Variants in TAB2 observed in about 807,000 individuals in gnomAD.
TAB2 encodes TGF-beta activated kinase 1 (MAP3K7) binding protein 2.
TAB2 carries 3 observed loss-of-function variants against 65.0 expected under a neutral mutation model. The observed-to-expected ratio is 0.05, with a 90% CI of 0.02 to 0.12. The LOEUF (loss-of-function observed/expected upper bound fraction) is 0.12. TAB2 is among the 10% of genes least tolerant of loss of function. The pLI is 1.00. For missense variants in TAB2, 623 were observed against 840.3 expected (o/e 0.74, Z 3.20); for synonymous variants, 298 against 285.1 (o/e 1.05, Z -0.46).
intron 1 of TAB2, among the ~76,000 whole-genome samples, chr6:149,289,007 GCTACCA>G (rs1301102879): frequency 6.6e-6 from 1 of 151,604 alleles, no homozygotes; most frequent in Non-Finnish European, 1.5e-5. Context: ...ACAGGTATAC[GCTACCA>G]TGCCCAGCTA....
chr6:149,273,505 G>T (rs1356001049), intron 1 of TAB2, among the ~76,000 whole-genome samples: 1 of 152,212 alleles, frequency 6.6e-6, no homozygotes, highest in African/African-American at 2.4e-5. Context: ...AGGGCAAACT[G>T]CCAGGGCCAG....
At chr6:149,386,090 T>G (rs1043287428) in intron 3 of TAB2, among the ~76,000 whole-genome samples, 22 of 152,214 alleles carry the variant, frequency 1.4e-4, no homozygotes, top group Admixed American at 1.4e-3. Context: ...TGTGTGTATA[T>G]ATGTGTATAC....
At chr6:149,361,094 A>G (rs1370118061) in intron 1 of TAB2, among the ~76,000 whole-genome samples, 1 of 152,164 alleles carries the variant, frequency 6.6e-6, no homozygotes, top group Admixed American at 6.5e-5. Flanking sequence ...TGGACCTAAC[A>G]TTCTAGGGTC....
At chr6:149,350,378 T>C (rs1408226780) in intron 1 of TAB2, among the ~76,000 whole-genome samples, 1 of 152,194 alleles carries the variant, frequency 6.6e-6, no homozygotes, top group Non-Finnish European at 1.5e-5. Flanking sequence ...ATTATACTTT[T>C]ATGAGATAAC....
chr6:149,243,125 T>C (rs1286131885), intron 1 of TAB2, among the ~76,000 whole-genome samples: 1 of 152,220 alleles, frequency 6.6e-6, no homozygotes, highest in Non-Finnish European at 1.5e-5. Flanking sequence ...GTTCATTCCC[T>C]TCTCTCCGAA....
At chr6:149,251,179 A>G (rs1420707602) in intron 1 of TAB2, among the ~76,000 whole-genome samples, 2 of 152,174 alleles carry the variant, frequency 1.3e-5, no homozygotes. Context: ...ATGACTGTAA[A>G]CGTGGACACC....
chr6:149,324,792 G>T (rs905241930), intron 1 of TAB2, among the ~76,000 whole-genome samples: 1 of 151,252 alleles, frequency 6.6e-6, no homozygotes, highest in African/African-American at 2.4e-5. Context: ...GGGTAGAAGA[G>T]ACTTTACCTG....
At chr6:149,270,934 T>C (rs974990372) in intron 1 of TAB2, among the ~76,000 whole-genome samples, 3 of 152,168 alleles carry the variant, frequency 2.0e-5, no homozygotes, top group Non-Finnish European at 4.4e-5. Flanking sequence ...TCCACTGCTG[T>C]TGCAAAAAAC....
At chr6:149,293,009 G>T (rs1778804607) in intron 1 of TAB2, among the ~76,000 whole-genome samples, 1 of 152,170 alleles carries the variant, frequency 6.6e-6, no homozygotes, top group African/African-American at 2.4e-5. Context: ...TGATTGAAAT[G>T]TTGGCAAGTT....
At chr6:149,369,847 A>G in intron 1 of TAB2, 62 bp from the exon 2 acceptor site, 1 of 666,738 alleles carries the variant, frequency 1.5e-6, no homozygotes, top group Non-Finnish European at 2.6e-6. Context: ...GAAATTTTAA[A>G]TCCACAACAA....
intron 3 of TAB2, among the ~76,000 whole-genome samples, chr6:149,383,707 C>T (rs1055362570): frequency 7.2e-5 from 11 of 152,166 alleles, no homozygotes; most frequent in South Asian, 2.1e-4. Context: ...CTCAGCCTCC[C>T]GGGTAGCTGT....
intron 1 of TAB2, among the ~76,000 whole-genome samples, chr6:149,348,081 A>C (rs980688125): frequency 6.6e-6 from 1 of 152,176 alleles, no homozygotes; most frequent in Non-Finnish European, 1.5e-5. Flanking sequence ...TTCACAGAAG[A>C]GAGAAATTGT....
At position 149,334,274 on chromosome 6, in the gene TAB2, G is replaced by A. The variant is rs1388816136; in HGVS notation, c.-90+16259G>A. On this transcript the variant is annotated intron_variant, in intron 1 of 6. Coordinates refer to ENST00000637181, the MANE Select transcript of TAB2 (RefSeq NM_001292034.3). ...CCCTGTGTCAGTGTCAGCACCTTCT[G>A]CTGAAACTCACTACAGCGTATCTCT... Among the ~76,000 whole-genome samples, 4 of 151,890 alleles carry A rather than the reference G, an allele frequency of 2.6e-5. No individual in the cohort carries two copies. In the East Asian group the frequency reaches 5.8e-4, roughly 22 times the overall value.
At chr6:149,407,868 C>A (rs1782720465) in intron 6 of TAB2, among the ~76,000 whole-genome samples, 1 of 151,498 alleles carries the variant, frequency 6.6e-6, no homozygotes, top group Non-Finnish European at 1.5e-5. Context: ...TTTATAGATC[C>A]CTTATTGATT....
intron 1 of TAB2, among the ~76,000 whole-genome samples, chr6:149,262,899 G>A (rs1165950940): frequency 6.6e-6 from 1 of 152,004 alleles, no homozygotes; most frequent in Non-Finnish European, 1.5e-5. Context: ...AAACTCCTGG[G>A]TTCAAGCAAT....
At chr6:149,287,646 AGTTT>A (rs1251431325) in intron 1 of TAB2, among the ~76,000 whole-genome samples, 5 of 152,214 alleles carry the variant, frequency 3.3e-5, no homozygotes, top group African/African-American at 1.2e-4. Context: ...GCTCTCAGTC[AGTTT>A]GTTACTGAAC....
intron 6 of TAB2, chr6:149,400,188 G>A: frequency 1.7e-6 from 1 of 586,718 alleles, no homozygotes; most frequent in East Asian, 2.8e-5. Context: ...TTAAAAACAG[G>A]ATCTGGCAGC....
chr6:149,341,183 CATGTCT>C (rs908881171), intron 1 of TAB2, among the ~76,000 whole-genome samples: 3 of 152,048 alleles, frequency 2.0e-5, no homozygotes, highest in Non-Finnish European at 4.4e-5. Flanking sequence ...AAGAGAATTA[CATGTCT>C]TCTTGTTTAC....
chr6:149,268,380 C>T (rs111597717), intron 1 of TAB2, among the ~76,000 whole-genome samples: 4 of 152,260 alleles, frequency 2.6e-5, no homozygotes, highest in African/African-American at 9.6e-5. Context: ...TTCTGAGTGG[C>T]CATGAGCCCA....
Sources: allele counts gnomAD v4.1 joint callset (sites outside exome capture counted in the v4.1 genomes callset), GRCh38; gene constraint gnomAD v4.1.1; transcripts MANE v1.5; gene names NCBI Gene and HGNC (gene_info 2026-07-23, HGNC 2026-07-21).